Variants in RIPOR2 observed in about 807,000 individuals in gnomAD.
RIPOR2 encodes rho family-interacting cell polarization regulator 2.
Under a neutral mutation model 114.5 loss-of-function variants are expected in RIPOR2, and 39 were observed. The ratio of observed to expected loss-of-function variants is 0.34; its 90% CI spans 0.26 to 0.44. RIPOR2 has a LOEUF of 0.44. RIPOR2 is among the 20% of genes least tolerant of loss of function. The pLI is 1.00. For synonymous variants in RIPOR2, 445 were observed against 484.4 expected (o/e 0.92, Z 1.07); for missense variants, 1,007 against 1,255.1 (o/e 0.80, Z 2.99).
chr6:24,918,647 T>C (rs1295141302), intron 1 of RIPOR2, among the ~76,000 whole-genome samples: 1 of 152,196 alleles, frequency 6.6e-6, no homozygotes, highest in Non-Finnish European at 1.5e-5. Context: ...ATGGACATTA[T>C]TTTGGAGCCT....
chr6:24,865,245 C>A, intron 7 of RIPOR2, 56 bp downstream of exon 7: 2 of 1,465,044 alleles, frequency 1.4e-6, no homozygotes, highest in South Asian at 1.4e-5. Flanking sequence ...CAATTACCAA[C>A]AATTCACACC....
At chr6:24,975,530 A>G (rs1255873981) in intron 1 of RIPOR2, among the ~76,000 whole-genome samples, 3 of 152,200 alleles carry the variant, frequency 2.0e-5, no homozygotes, top group Non-Finnish European at 2.9e-5. Context: ...ATAATAATGT[A>G]TTGTTAGCCA....
intron 1 of RIPOR2, among the ~76,000 whole-genome samples, chr6:24,958,589 A>G (rs1773151400): frequency 6.6e-6 from 1 of 152,178 alleles, no homozygotes; most frequent in African/African-American, 2.4e-5. Context: ...TATTCCTGAG[A>G]CGTATAATCA....
chr6:24,854,766 A>G (rs1434341930), intron 8 of RIPOR2, among the ~76,000 whole-genome samples: 1 of 152,136 alleles, frequency 6.6e-6, no homozygotes, highest in Non-Finnish European at 1.5e-5. Context: ...GGTGGCTCAC[A>G]CCTGTAATCC....
At chr6:24,900,583 C>T (rs188276984) in intron 1 of RIPOR2, among the ~76,000 whole-genome samples, 188 of 152,104 alleles carry the variant, frequency 1.2e-3, no homozygotes, top group Non-Finnish European at 2.0e-3. Context: ...CATGGTGAAA[C>T]CCCATCTCTA....
At chr6:24,856,787 A>G (rs1763516109) in intron 8 of RIPOR2, among the ~76,000 whole-genome samples, 1 of 152,218 alleles carries the variant, frequency 6.6e-6, no homozygotes, top group Admixed American at 6.5e-5. Context: ...AAATTAGTTC[A>G]GGATTAATCT....
chr6:24,869,404 G>C (rs1023262406), intron 5 of RIPOR2, among the ~76,000 whole-genome samples: 3 of 147,222 alleles, frequency 2.0e-5, no homozygotes, highest in Non-Finnish European at 4.5e-5. Flanking sequence ...TGCAACCTTT[G>C]CCTCCTGGGT....
chr6:24,922,674 A>G (rs1223533746), intron 1 of RIPOR2, among the ~76,000 whole-genome samples: 4 of 152,082 alleles, frequency 2.6e-5, no homozygotes, highest in South Asian at 2.1e-4. Context: ...AGCCTGGCCA[A>G]TGTGGTGAAA....
chr6:25,016,107 A>G (rs60611299), intron 1 of RIPOR2, among the ~76,000 whole-genome samples: 10,012 of 151,664 alleles, frequency 0.066, 723 homozygotes, highest in African/African-American at 0.17. Context: ...GGGTTTCACT[A>G]TGTTGGCCAG....
At position 24,847,655 on chromosome 6, in the gene RIPOR2, G is replaced by A. The variant is rs539174908; in HGVS notation, c.1164+370C>T. On this transcript the variant is annotated intron_variant, in intron 12 of 21. Coordinates refer to ENST00000643898, the MANE Select transcript of RIPOR2 (RefSeq NM_001286445.3). ...TCTTGCAAGGCACTCAAGACAGACAGCCGCCTGGGCTTGTCTGGGGAAGGA... is the reference window on the plus strand; with the variant it reads ...TCTTGCAAGGCACTCAAGACAGACAACCGCCTGGGCTTGTCTGGGGAAGGA... The A allele has an allele frequency of 2.1e-4, 320 of 1,551,722 alleles. 4 individuals carry two copies. In the South Asian group the frequency reaches 3.6e-3, roughly 17 times the overall value.
In RIPOR2 at chr6:24,839,078, A is replaced by C. The variant is rs1410542304; in HGVS notation, c.2039+13T>G. On this transcript the variant is annotated intron_variant, in intron 14 of 21. Transcript: ENST00000643898. ...ACAGGAGAAATATAAGGAGACACTAACTTCAGACTTACCTGTGTTTCTCAG... is the reference window on the plus strand; with the variant it reads ...ACAGGAGAAATATAAGGAGACACTACCTTCAGACTTACCTGTGTTTCTCAG... The C allele has an allele frequency of 6.5e-7, 1 of 1,547,742 alleles. No individual in the cohort carries two copies. The highest frequency in any genetic ancestry group is 8.7e-7 in the Non-Finnish European group (1 of 1,143,834).
chr6:24,976,840 T>C, intron 1 of RIPOR2: 1 of 1,610,526 alleles, frequency 6.2e-7, no homozygotes, highest in South Asian at 1.1e-5. Context: ...CTGCCAAGAC[T>C]GAGTGGTTGG....
chr6:24,867,478 C>T (rs1434186726), intron 6 of RIPOR2, among the ~76,000 whole-genome samples: 1 of 152,226 alleles, frequency 6.6e-6, no homozygotes, highest in African/African-American at 2.4e-5. Flanking sequence ...GCTAATATCT[C>T]TTCCAATGCA....
chr6:24,819,433 TG>T (rs1446745623), intron 19 of RIPOR2, among the ~76,000 whole-genome samples: 3 of 151,932 alleles, frequency 2.0e-5, no homozygotes, highest in African/African-American at 7.2e-5. Context: ...GTGAGGAGGG[TG>T]GTAATGTCAG....
chr6:24,844,140 T>A (rs141480964), intron 12 of RIPOR2, among the ~76,000 whole-genome samples: 3 of 152,268 alleles, frequency 2.0e-5, no homozygotes, highest in African/African-American at 7.2e-5. Flanking sequence ...TTGCATAGCT[T>A]CTCTAGAAAT....
At chr6:24,985,695 G>T (rs1774499790) in intron 1 of RIPOR2, among the ~76,000 whole-genome samples, 1 of 152,100 alleles carries the variant, frequency 6.6e-6, no homozygotes, top group Non-Finnish European at 1.5e-5. Context: ...TAGACCCCTG[G>T]TTGATGTAAA....
Position 24,875,771 on chromosome 6 carries a change from A to G in RIPOR2, c.108T>C (p.Ser36=). 6.2e-7 allele frequency: 1 copy of G among 1,613,528 alleles called. No homozygotes were observed. The highest frequency in any genetic ancestry group is 8.5e-7 in the Non-Finnish European group (1 of 1,179,692). Residue 36 remains serine (S), a synonymous_variant, in exon 2 of 22, where the codon TCT becomes TCC. Transcript: ENST00000643898. ...LPEIMLVGSQ[S]FSPGGPNGII... is the part of the protein sequence containing the mutation. ...TCCCATTGGGCCCTCCAGGCGAAAA[A>G]GACTGGGATCCTACCAACATGATTT...
intron 1 of RIPOR2, among the ~76,000 whole-genome samples, chr6:24,984,620 A>G (rs58400592): frequency 0.01 from 1,480 of 147,024 alleles, 30 homozygotes; most frequent in African/African-American, 0.034. Flanking sequence ...GTTGGAGACC[A>G]GCCTGGACAA....
intron 1 of RIPOR2, among the ~76,000 whole-genome samples, chr6:25,031,709 ATATATATAT>A: frequency 5.7e-5 from 1 of 17,484 alleles, no homozygotes; most frequent in Admixed American, 5.7e-4. Flanking sequence ...TTATATATAT[ATATATATAT>A]ATATATATAT....
Sources: allele counts gnomAD v4.1 joint callset (sites outside exome capture counted in the v4.1 genomes callset), GRCh38; gene constraint gnomAD v4.1.1; transcripts MANE v1.5; gene names NCBI Gene and HGNC (gene_info 2026-07-23, HGNC 2026-07-21).